The following ABHD12 variants were observed in gnomAD, a reference collection of about 807,000 sequenced individuals.
ABHD12 encodes abhydrolase domain containing 12, lysophospholipase.
A neutral mutation model predicts 58.3 loss-of-function variants in ABHD12; 43 were observed. That is an observed-to-expected ratio of 0.74 (90% CI 0.58 to 0.95). The LOEUF (loss-of-function observed/expected upper bound fraction) is 0.95, where lower values mean the gene tolerates loss of function less well. ABHD12 is among the 40% of genes least tolerant of loss of function. The pLI is 0.00. For missense variants in ABHD12, 539 were observed against 537.2 expected (o/e 1.00, Z -0.03); for synonymous variants, 219 against 211.2 (o/e 1.04, Z -0.32).
At chr20:25,360,227 CTTTTTTTTTTTTTTTT>C (rs576215687) in intron 1 of ABHD12, among the ~76,000 whole-genome samples, 6 of 37,392 alleles carry the variant, frequency 1.6e-4, no homozygotes, top group Non-Finnish European at 2.4e-4. Flanking sequence ...GAACACGTTA[CTTTTTTTTTTTTTTTT>C]TTTTTTTTTT....
chr20:25,309,722 G>A, intron 6 of ABHD12, 147 bp from the exon 7 acceptor site: 3 of 1,176,204 alleles, frequency 2.6e-6, no homozygotes, highest in South Asian at 1.4e-5. Flanking sequence ...ACCCACCCAG[G>A]CCACTGGGCA....
intron 6 of ABHD12, among the ~76,000 whole-genome samples, chr20:25,311,379 A>G (rs1297941780): frequency 6.6e-6 from 1 of 152,212 alleles, no homozygotes; most frequent in Non-Finnish European, 1.5e-5. Context: ...GGTGGCTGGA[A>G]AGGGCAGCCA....
rs1321729748 is a variant in ABHD12 at position 25,302,199 on chromosome 20, G to A, written c.1157+20C>T. On this transcript the variant is annotated intron_variant, in intron 12 of 12. Transcript: ENST00000339157. The stretch of plus-strand genomic sequence containing the variant: ...AGTGCTGCCCAGACGAAGCCCCTGG[G>A]TGGGAAGAGAATGTCTCACCTCAGT... The A allele has an allele frequency of 2.5e-6, 4 of 1,612,634 alleles. No homozygotes were observed. The South Asian group carries it at 4.4e-5, about 18-fold the overall frequency.
intron 6 of ABHD12, among the ~76,000 whole-genome samples, chr20:25,311,765 C>T (rs897202371): frequency 1.1e-4 from 16 of 152,176 alleles, no homozygotes; most frequent in African/African-American, 3.9e-4. Flanking sequence ...AGTGCGGTGG[C>T]ATGATCTTGG....
At chr20:25,326,344 C>T (rs891361949) in intron 2 of ABHD12, among the ~76,000 whole-genome samples, 6 of 152,234 alleles carry the variant, frequency 3.9e-5, no homozygotes, top group Non-Finnish European at 8.8e-5. Flanking sequence ...ATAAAAGCCC[C>T]GTGGGTAAAA....
chr20:25,319,267 A>AGGGAGGCCAACT (rs1484346154), intron 4 of ABHD12, among the ~76,000 whole-genome samples: 1 of 152,154 alleles, frequency 6.6e-6, no homozygotes, highest in Non-Finnish European at 1.5e-5. Flanking sequence ...TGGAAGGAGC[A>AGGGAGGCCAACT]CCCTTTTAAG....
At chr20:25,311,361 G>C (rs1368931372) in intron 6 of ABHD12, among the ~76,000 whole-genome samples, 1 of 152,212 alleles carries the variant, frequency 6.6e-6, no homozygotes, top group African/African-American at 2.4e-5. Context: ...TGTGAGCCAA[G>C]GAACACAGGT....
intron 1 of ABHD12, among the ~76,000 whole-genome samples, chr20:25,367,167 A>G (rs2089833742): frequency 6.6e-6 from 1 of 152,216 alleles, no homozygotes; most frequent in Non-Finnish European, 1.5e-5. Flanking sequence ...TGTATACAAG[A>G]AAGCTACAGA....
chr20:25,312,614 T>C (rs2145945873), intron 6 of ABHD12, among the ~76,000 whole-genome samples: 1 of 152,226 alleles, frequency 6.6e-6, no homozygotes, highest in Admixed American at 6.5e-5. Context: ...GTCTGGGAAG[T>C]GAGGAGCGTC....
rs2089378119 is a variant in ABHD12, at chr20:25,336,810, C to T, written c.316+2417G>A. Among the ~76,000 whole-genome samples the T allele has an allele frequency of 3.9e-5, 6 of 152,138 alleles. No individual in the cohort carries two copies. In the South Asian group the frequency reaches 1.2e-3, roughly 32 times the overall value. ...TGGCTTCCCGGGGAGGACAGCGGGG[C>T]CTGGAGATGAGGGTCGCTCATCATG... On this transcript the variant is annotated intron_variant, in intron 2 of 12. Coordinates refer to ENST00000339157, the MANE Select transcript of ABHD12 (RefSeq NM_001042472.3).
At chr20:25,295,553 G>A (rs766727742), downstream of ABHD12, 2 of 1,561,262 alleles carry the variant, frequency 1.3e-6, no homozygotes, top group Admixed American at 1.7e-5. Context: ...TCGGGACAGT[G>A]TGGGCAGGGC....
Position 25,300,452 on chromosome 20 carries a change from A to C in ABHD12, c.*393T>G. 1.7e-6 allele frequency: 2 copies of C among 1,199,198 alleles called. No individual in the cohort carries two copies. Among genetic ancestry groups the C allele is most frequent in the Non-Finnish European group, 2.1e-6 (2 of 952,216 alleles). 74.3% of individuals were successfully genotyped at this position (1,199,198 alleles called of 1,614,324 possible). ...AAGGTGCAGAAAGAACCTGGACCCC[A>C]CGTTCTCTGTGGGTGGTGCCAAAAA... On this transcript the variant is annotated 3_prime_UTR_variant, in exon 13 of 13. Coordinates refer to ENST00000339157, the MANE Select transcript of ABHD12 (RefSeq NM_001042472.3).
At chr20:25,361,848 G>A (rs1263434689) in intron 1 of ABHD12, among the ~76,000 whole-genome samples, 14 of 151,344 alleles carry the variant, frequency 9.3e-5, no homozygotes, top group Admixed American at 8.6e-4. Flanking sequence ...CCAGCTACTC[G>A]GGAGGTTGAG....
At chr20:25,390,413 T>TCTGGGAGGGG (rs2090155180) in intron 1 of ABHD12, 100 bp downstream of exon 1, 1 of 1,203,570 alleles carries the variant, frequency 8.3e-7, no homozygotes, top group South Asian at 2.2e-5. Context: ...GGACGGCCAC[T>TCTGGGAGGGG]CTGGGAGGGG....
chr20:25,370,540 A>G (rs2089887012), intron 1 of ABHD12, among the ~76,000 whole-genome samples: 1 of 152,196 alleles, frequency 6.6e-6, no homozygotes, highest in African/African-American at 2.4e-5. Flanking sequence ...AACCCATAAT[A>G]ATTTCCCCTT....
intron 5 of ABHD12, among the ~76,000 whole-genome samples, chr20:25,316,303 C>A (rs970564811): frequency 2.0e-5 from 3 of 152,144 alleles, no homozygotes; most frequent in African/African-American, 4.8e-5. Context: ...GGATTACAGG[C>A]GCCCGCCACC....
chr20:25,322,186 A>C (rs1429604952), intron 3 of ABHD12, among the ~76,000 whole-genome samples: 1 of 151,784 alleles, frequency 6.6e-6, no homozygotes, highest in African/African-American at 2.4e-5. Flanking sequence ...GAAAACATTA[A>C]AATGTATTCC....
At position 25,330,392 on chromosome 20, in the gene ABHD12, C is replaced by T. The variant is rs550990944; in HGVS notation, c.317-6962G>A. On this transcript the variant is annotated intron_variant, in intron 2 of 12. Coordinates refer to ENST00000339157, the MANE Select transcript of ABHD12 (RefSeq NM_001042472.3). ...GGCAGCAGCGAGGCTTGGGGAGGGGCGCCCGCCATTGCCCAGGCTTGCTTA... is the reference window on the plus strand; with the variant it reads ...GGCAGCAGCGAGGCTTGGGGAGGGGTGCCCGCCATTGCCCAGGCTTGCTTA... 2.3e-3 allele frequency among the ~76,000 whole-genome samples: 349 copies of T among 152,326 alleles called. 1 individual carries two copies. The highest frequency in any genetic ancestry group is 6.8e-3 in the Middle Eastern group (2 of 294).
At chr20:25,367,308 G>A (rs2089836010) in intron 1 of ABHD12, among the ~76,000 whole-genome samples, 2 of 152,166 alleles carry the variant, frequency 1.3e-5, no homozygotes. Context: ...ACAGTTTTGT[G>A]GGAGGAGGGA....
Sources: gnomAD v4.1 joint callset for allele counts (sites outside exome capture counted in the v4.1 genomes callset) on GRCh38, gnomAD v4.1.1 for gene constraint, MANE v1.5 for transcripts, NCBI Gene and HGNC (gene_info 2026-07-23, HGNC 2026-07-21) for gene names.